Variants in CCDC3 observed in about 807,000 individuals in gnomAD.
CCDC3 encodes coiled-coil domain-containing protein 3.
CCDC3 carries 24 observed loss-of-function variants against 21.4 expected under a neutral mutation model. The ratio of observed to expected loss-of-function variants is 1.12; its 90% CI spans 0.81 to 1.58. The LOEUF (loss-of-function observed/expected upper bound fraction) is 1.58. Among genes scored for constraint, CCDC3 ranks in the 40% most tolerant of loss-of-function variants. CCDC3 has a pLI of 0.00. For synonymous variants in CCDC3, 186 were observed against 166.0 expected (o/e 1.12, Z -0.93); for missense variants, 425 against 360.9 (o/e 1.18, Z -1.44).
At chr10:12,919,493 G>C (rs909174652) in intron 2 of CCDC3, among the ~76,000 whole-genome samples, 1 of 151,694 alleles carries the variant, frequency 6.6e-6, no homozygotes, top group Non-Finnish European at 1.5e-5. Context: ...GGGAGGCTTA[G>C]GCAGGAGAAT....
At chr10:13,004,681 C>T (rs931640068), upstream of CCDC3, among the ~76,000 whole-genome samples, 2 of 151,562 alleles carry the variant, frequency 1.3e-5, no homozygotes, top group African/African-American at 4.8e-5. Flanking sequence ...CTATTGTTGA[C>T]ATATTAGGCT....
chr10:13,030,499 C>A (rs1335607996), intron 5 of CCDC3, among the ~76,000 whole-genome samples: 2 of 151,990 alleles, frequency 1.3e-5, no homozygotes, highest in Non-Finnish European at 2.9e-5. Flanking sequence ...CAATATTAAC[C>A]TTAAATGTAA....
chr10:12,933,022 G>A (rs1421137354), intron 2 of CCDC3, among the ~76,000 whole-genome samples: 1 of 152,110 alleles, frequency 6.6e-6, no homozygotes, highest in East Asian at 1.9e-4. Context: ...TTGGCCATGA[G>A]GCATCATTCT....
intron 2 of CCDC3, among the ~76,000 whole-genome samples, chr10:12,973,911 C>G (rs1273451732): frequency 7.6e-6 from 1 of 132,346 alleles, no homozygotes; most frequent in African/African-American, 2.9e-5. Flanking sequence ...AATTTTTTTT[C>G]TAATCACAAA....
intron 2 of CCDC3, among the ~76,000 whole-genome samples, chr10:12,908,571 G>A (rs1484693949): frequency 2.6e-5 from 4 of 151,538 alleles, no homozygotes; most frequent in Non-Finnish European, 5.9e-5. Flanking sequence ...GGGTAGAAGG[G>A]TGCTGAAATC....
intron 3 of CCDC3, among the ~76,000 whole-genome samples, chr10:13,095,671 T>C (rs2131458106): frequency 6.6e-6 from 1 of 152,368 alleles, no homozygotes; most frequent in East Asian, 1.9e-4. Flanking sequence ...CACAGGCCAG[T>C]ACTGGTTCAC....
At chr10:13,046,838 C>G (rs1457805875) in intron 5 of CCDC3, among the ~76,000 whole-genome samples, 1 of 151,912 alleles carries the variant, frequency 6.6e-6, no homozygotes, top group Non-Finnish European at 1.5e-5. Context: ...TGATCTAATT[C>G]TCTGACAACT....
In CCDC3 at chr10:13,028,686, C is replaced by T. The variant is rs548253683; in HGVS notation, c.-2+20988G>A. Among the ~76,000 whole-genome samples, 13 of 152,246 alleles carry T rather than the reference C, an allele frequency of 8.5e-5. No individual in the cohort carries two copies. In the South Asian group the frequency reaches 1.0e-3, roughly 12 times the overall value. On this transcript the variant is annotated intron_variant, in intron 5 of 6. Coordinates refer to the CCDC3 transcript ENST00000378839. Reference sequence around the variant, plus strand: ...CTCTTTCTAGTCCCTTTGCCCCACACGCCAAACAACTGGTTTGGGGTGGAA... The same window carrying T: ...CTCTTTCTAGTCCCTTTGCCCCACATGCCAAACAACTGGTTTGGGGTGGAA...
intron 5 of CCDC3, among the ~76,000 whole-genome samples, chr10:13,019,907 A>G (rs1383168581): frequency 2.6e-5 from 4 of 152,196 alleles, no homozygotes; most frequent in Admixed American, 6.5e-5. Flanking sequence ...GAGGCAGAAG[A>G]ATCGCTTGAA....
At chr10:13,050,957 A>T (rs537565317) in intron 4 of CCDC3, among the ~76,000 whole-genome samples, 23 of 151,872 alleles carry the variant, frequency 1.5e-4, no homozygotes, top group Admixed American at 1.4e-3. Context: ...CGGCTAATTT[A>T]AAAAAATTTT....
rs751590911 is a variant in CCDC3, at chr10:13,001,159, G to A, written c.374+38C>T. On this transcript the variant is annotated intron_variant, in intron 1 of 2. Coordinates refer to ENST00000378825, the MANE Select transcript of CCDC3 (RefSeq NM_031455.4). Reference sequence around the variant, plus strand: ...AACGGCGACCTCGGGAGGTGGCGCAGAGAGAGAGAGAGGTGGCGGCGGCGC... The same window carrying A: ...AACGGCGACCTCGGGAGGTGGCGCAAAGAGAGAGAGAGGTGGCGGCGGCGC... 2.3e-5 allele frequency: 23 copies of A among 1,022,166 alleles called. No individual in the cohort carries two copies. In the South Asian group the frequency reaches 4.9e-4, roughly 22 times the overall value. 63.3% of individuals were successfully genotyped at this position (1,022,166 alleles called of 1,614,324 possible).
chr10:13,081,367 C>G (rs1355234694), intron 3 of CCDC3, among the ~76,000 whole-genome samples: 2 of 152,150 alleles, frequency 1.3e-5, no homozygotes, highest in African/African-American at 4.8e-5. Flanking sequence ...GAAACCACAT[C>G]CTCATCAAAG....
At chr10:13,030,012 G>A (rs1280207241) in intron 5 of CCDC3, among the ~76,000 whole-genome samples, 3 of 152,110 alleles carry the variant, frequency 2.0e-5, no homozygotes, top group African/African-American at 7.2e-5. Context: ...TACTCCTCGA[G>A]AAGAGCAACT....
intron 2 of CCDC3, among the ~76,000 whole-genome samples, chr10:12,993,477 T>C (rs1835708763): frequency 6.6e-6 from 1 of 152,236 alleles, no homozygotes; most frequent in South Asian, 2.1e-4. Context: ...CAGATTTTCC[T>C]TCCATTCCAT....
chr10:12,953,868 G>A (rs1835044991), intron 2 of CCDC3, among the ~76,000 whole-genome samples: 1 of 152,172 alleles, frequency 6.6e-6, no homozygotes, highest in Non-Finnish European at 1.5e-5. Flanking sequence ...TTCAGTAAAG[G>A]CCGGATAATA....
chr10:13,099,309 C>T (rs1003424903), exon 2 of CCDC3: 1 of 152,326 alleles, frequency 6.6e-6, no homozygotes, highest in Non-Finnish European at 1.5e-5. Flanking sequence ...CTGCCTTTTT[C>T]CTGTTTCAGA....
chr10:13,084,863 G>A (rs1342800609), intron 3 of CCDC3, among the ~76,000 whole-genome samples: 3 of 152,138 alleles, frequency 2.0e-5, no homozygotes, highest in Non-Finnish European at 4.4e-5. Flanking sequence ...CAGGGGCCAG[G>A]CTTGTGTGGA....
chr10:12,928,657 C>T (rs960411962), intron 2 of CCDC3, among the ~76,000 whole-genome samples: 6 of 152,142 alleles, frequency 3.9e-5, no homozygotes, highest in Admixed American at 1.3e-4. Context: ...CCAAGTCAAC[C>T]GACCTCCCAG....
chr10:12,920,610 T>C (rs1465643121), intron 2 of CCDC3, among the ~76,000 whole-genome samples: 1 of 152,202 alleles, frequency 6.6e-6, no homozygotes, highest in Non-Finnish European at 1.5e-5. Context: ...GCCATGACTT[T>C]TAATGGCAAA....
Sources: gnomAD v4.1 joint callset for allele counts (sites outside exome capture counted in the v4.1 genomes callset) on GRCh38, gnomAD v4.1.1 for gene constraint, MANE v1.5 for transcripts, NCBI Gene and HGNC (gene_info 2026-07-23, HGNC 2026-07-21) for gene names.